TAB2: variants seen among roughly 807,000 people sequenced by gnomAD.
TAB2 encodes the protein TGF-beta-activated kinase 1 and MAP3K7-binding protein 2.
In TAB2, 3 loss-of-function variants were observed where a neutral mutation model predicts 65.0. The ratio of observed to expected loss-of-function variants is 0.05; its 90% CI spans 0.02 to 0.12. TAB2 has a LOEUF of 0.12. Among genes scored for constraint, TAB2 ranks in the 10% least tolerant of loss-of-function variants. The pLI, the probability that TAB2 is intolerant of heterozygous loss-of-function variation, is 1.00. For synonymous variants in TAB2, 298 were observed against 285.1 expected, an observed-to-expected ratio of 1.05 and a Z score of -0.46; for missense variants, 623 against 840.3, an observed-to-expected ratio of 0.74 and a Z score of 3.20.
intron 1 of TAB2, among the ~76,000 whole-genome samples, chr6:149,253,944 GAAAGAAAGAAAGAA>G (rs1274449457): frequency 1.5e-5 from 1 of 67,866 alleles, no homozygotes; most frequent in Admixed American, 2.0e-4. Context: ...GAAAGAAAGA[GAAAGAAAGAAAGAA>G]AAAGAAAGAA....
intron 1 of TAB2, among the ~76,000 whole-genome samples, chr6:149,325,237 A>C (rs746040166): frequency 1.3e-5 from 2 of 152,202 alleles, no homozygotes; most frequent in Non-Finnish European, 2.9e-5. Context: ...TGAGCCAAGG[A>C]GTTTTCTTCA....
upstream of TAB2, among the ~76,000 whole-genome samples, chr6:149,316,706 A>C (rs1196989396): frequency 6.6e-6 from 1 of 152,120 alleles, no homozygotes; most frequent in Non-Finnish European, 1.5e-5. Context: ...CTCTTCCCGC[A>C]AAGCTAGTCT....
chr6:149,262,037 A>G (rs1401595937), intron 1 of TAB2, among the ~76,000 whole-genome samples: 1 of 152,234 alleles, frequency 6.6e-6, no homozygotes, highest in Non-Finnish European at 1.5e-5. Context: ...TACTTCTTGA[A>G]GAAATGACAT....
chr6:149,225,901 A>T (rs940986051), intron 1 of TAB2, among the ~76,000 whole-genome samples: 3 of 151,960 alleles, frequency 2.0e-5, no homozygotes, highest in Non-Finnish European at 2.9e-5. Flanking sequence ...TAAGAATCCG[A>T]GATCAAAGCA....
chr6:149,297,636 C>T (rs1032654043), intron 1 of TAB2, among the ~76,000 whole-genome samples: 1 of 152,130 alleles, frequency 6.6e-6, no homozygotes, highest in Non-Finnish European at 1.5e-5. Context: ...ATGATCCTCC[C>T]GGTTCAGTCT....
intron 1 of TAB2, among the ~76,000 whole-genome samples, chr6:149,251,332 C>T (rs776287758): frequency 1.3e-5 from 2 of 152,154 alleles, no homozygotes; most frequent in Non-Finnish European, 2.9e-5. Flanking sequence ...AGCTGGACTC[C>T]AGGGGCGAGC....
intron 1 of TAB2, among the ~76,000 whole-genome samples, chr6:149,341,033 TA>T (rs892508108): frequency 6.6e-6 from 1 of 152,134 alleles, no homozygotes; most frequent in African/African-American, 2.4e-5. Flanking sequence ...TCTTTGCCCT[TA>T]AAACATTTCC....
At chr6:149,219,711 A>T (rs920735746) in intron 1 of TAB2, among the ~76,000 whole-genome samples, 2 of 152,158 alleles carry the variant, frequency 1.3e-5, no homozygotes, top group African/African-American at 4.8e-5. Flanking sequence ...TCCTAGAAAC[A>T]GTTTACTCTT....
intron 1 of TAB2, among the ~76,000 whole-genome samples, chr6:149,277,915 T>C (rs1489073480): frequency 6.6e-6 from 1 of 151,700 alleles, no homozygotes; most frequent in Non-Finnish European, 1.5e-5. Context: ...AGAGACATGA[T>C]TTGTGACACA....
intron 1 of TAB2, among the ~76,000 whole-genome samples, chr6:149,348,135 G>T (rs1021428046): frequency 2.0e-5 from 3 of 152,264 alleles, no homozygotes; most frequent in East Asian, 1.9e-4. Context: ...GCTCACACCT[G>T]TTATCCCAGC....
Position 149,402,695 on chromosome 6 carries a change from A to G in TAB2, c.1939+3511A>G, listed in dbSNP as rs143823440. ...TACAACTAAAGAAAACTACAGACCAATATTACTGATGAACATAGACGCAAA... is the reference window on the plus strand; with the variant it reads ...TACAACTAAAGAAAACTACAGACCAGTATTACTGATGAACATAGACGCAAA... On this transcript the variant is annotated intron_variant, in intron 6 of 6. Transcript: ENST00000637181. Among the ~76,000 whole-genome samples the G allele has an allele frequency of 5.7e-3, 863 of 152,300 alleles. 5 individuals carry two copies. Among genetic ancestry groups the G allele is most frequent in the African/African-American group, 0.02 (819 of 41,554 alleles).
chr6:149,316,879 A>G (rs1186500891), upstream of TAB2, among the ~76,000 whole-genome samples: 1 of 152,044 alleles, frequency 6.6e-6, no homozygotes, highest in Non-Finnish European at 1.5e-5. Context: ...TGAGGCTCCC[A>G]AGACGTCTCC....
At chr6:149,377,507 G>C (rs966785003) in intron 2 of TAB2, among the ~76,000 whole-genome samples, 2 of 152,040 alleles carry the variant, frequency 1.3e-5, no homozygotes, top group Non-Finnish European at 2.9e-5. Flanking sequence ...GAGATGACTG[G>C]TATGAATTTC....
intron 1 of TAB2, among the ~76,000 whole-genome samples, chr6:149,266,409 T>A: frequency 6.6e-6 from 1 of 152,212 alleles, no homozygotes; most frequent in Admixed American, 6.5e-5. Context: ...CATAACCTGG[T>A]CACCTCACTG....
intron 1 of TAB2, among the ~76,000 whole-genome samples, chr6:149,224,318 A>T (rs562750885): frequency 6.6e-6 from 1 of 152,202 alleles, no homozygotes; most frequent in South Asian, 2.1e-4. Flanking sequence ...AAGATAGCCA[A>T]AGCCTCCCTT....
At chr6:149,403,281 T>TATATATAC (rs1554265369) in intron 6 of TAB2, among the ~76,000 whole-genome samples, 1 of 31,894 alleles carries the variant, frequency 3.1e-5, no homozygotes, top group Non-Finnish European at 5.4e-5. Flanking sequence ...TATATATATA[T>TATATATAC]ATACACACAC....
intron 1 of TAB2, among the ~76,000 whole-genome samples, chr6:149,252,260 C>T (rs778202737): frequency 2.0e-5 from 3 of 152,042 alleles, no homozygotes; most frequent in Non-Finnish European, 4.4e-5. Context: ...ACAAAATTAG[C>T]CAGGCATAGT....
rs369363917 is a variant in TAB2 at position 149,340,899 on chromosome 6, A to G, written c.-90+22884A>G. 2.0e-4 allele frequency among the ~76,000 whole-genome samples: 30 copies of G among 152,212 alleles called. 4 individuals carry two copies. Among genetic ancestry groups the G allele is most frequent in the Admixed American group, 1.6e-3 (24 of 15,294 alleles). On this transcript the variant is annotated intron_variant, in intron 1 of 6. Coordinates refer to ENST00000637181, the MANE Select transcript of TAB2 (RefSeq NM_001292034.3). The stretch of plus-strand genomic sequence containing the variant: ...CCTTGTGGCTTGTGATACTTGCTCT[A>G]TTACTTGGTAATTTTAGAGAGGGTG...
chr6:149,256,111 G>T (rs1221161094), intron 1 of TAB2, among the ~76,000 whole-genome samples: 2 of 151,826 alleles, frequency 1.3e-5, no homozygotes, highest in Non-Finnish European at 2.9e-5. Flanking sequence ...GAAAAGAACT[G>T]GTTACTATTA....
Sources: gnomAD v4.1 joint callset for allele counts (sites outside exome capture counted in the v4.1 genomes callset) on GRCh38, gnomAD v4.1.1 for gene constraint, MANE v1.5 for transcripts, NCBI Gene and HGNC (gene_info 2026-07-23, HGNC 2026-07-21) for gene names.